ADAMTS17: variants seen among roughly 807,000 people sequenced by gnomAD.
ADAMTS17 encodes the protein A disintegrin and metalloproteinase with thrombospondin motifs 17.
In ADAMTS17, 113 loss-of-function variants were observed where a neutral mutation model predicts 141.5. That is an observed-to-expected ratio of 0.80 (90% confidence interval 0.69 to 0.93). ADAMTS17 has a LOEUF of 0.93. Ranked by LOEUF, ADAMTS17 falls within the 40% of genes least tolerant of loss-of-function variation. The probability of loss-of-function intolerance (pLI) is 0.00; values close to 1 mark genes in which losing one functional copy is unlikely to be tolerated. For synonymous variants in ADAMTS17, 768 were observed against 630.6 expected (o/e 1.22, Z -3.27); for missense variants, 1,659 against 1,517.9 (o/e 1.09, Z -1.54).
At chr15:100,198,728 C>A (rs1257731105) in intron 8 of ADAMTS17, among the ~76,000 whole-genome samples, 1 of 152,192 alleles carries the variant, frequency 6.6e-6, no homozygotes, top group African/African-American at 2.4e-5. Context: ...GCCAGCCACT[C>A]AACAACCCCT....
At chr15:100,090,325 G>A (rs1226713060) in intron 15 of ADAMTS17, among the ~76,000 whole-genome samples, 1 of 152,170 alleles carries the variant, frequency 6.6e-6, no homozygotes, top group African/African-American at 2.4e-5. Context: ...CGCTTGTGGG[G>A]GATGAGCTGT....
chr15:100,338,797 A>G (rs2046281073), intron 2 of ADAMTS17, among the ~76,000 whole-genome samples: 1 of 152,342 alleles, frequency 6.6e-6, no homozygotes, highest in South Asian at 2.1e-4. Context: ...CTTCTACCAC[A>G]GTACCACAGT....
intron 18 of ADAMTS17, among the ~76,000 whole-genome samples, chr15:99,999,234 T>C (rs994744258): frequency 1.3e-5 from 2 of 152,148 alleles, no homozygotes; most frequent in African/African-American, 4.8e-5. Context: ...AGACCATATA[T>C]AGCCACTGAA....
intron 18 of ADAMTS17, among the ~76,000 whole-genome samples, chr15:100,010,305 G>C (rs1251528273): frequency 6.6e-6 from 1 of 152,196 alleles, no homozygotes; most frequent in Non-Finnish European, 1.5e-5. Flanking sequence ...AGCAGTGGGC[G>C]TGTGTGTGAG....
intron 12 of ADAMTS17, 83 bp from the exon 13 acceptor site, chr15:100,117,096 GA>G (rs2037185206): frequency 6.7e-7 from 1 of 1,501,664 alleles, no homozygotes; most frequent in African/African-American, 1.4e-5. Context: ...TTGCCAGGGG[GA>G]GGAGAGGAAG....
chr15:100,297,524 A>G (rs1056748106), intron 3 of ADAMTS17, among the ~76,000 whole-genome samples: 19 of 152,294 alleles, frequency 1.2e-4, no homozygotes, highest in African/African-American at 4.3e-4. Context: ...ATGGAACAAT[A>G]CTGGGGCTAT....
At chr15:100,276,657 G>C (rs1004504205) in intron 4 of ADAMTS17, among the ~76,000 whole-genome samples, 3 of 152,192 alleles carry the variant, frequency 2.0e-5, no homozygotes, top group East Asian at 3.9e-4. Context: ...AGGAGACAGA[G>C]CCACTCCCAT....
intron 7 of ADAMTS17, among the ~76,000 whole-genome samples, chr15:100,203,944 G>A (rs1384397132): frequency 6.6e-6 from 1 of 151,846 alleles, no homozygotes; most frequent in Non-Finnish European, 1.5e-5. Flanking sequence ...GACACCTGGA[G>A]AAGCTCATTT....
chr15:100,018,536 C>T (rs956759706), intron 18 of ADAMTS17, among the ~76,000 whole-genome samples: 1 of 152,120 alleles, frequency 6.6e-6, no homozygotes, highest in African/African-American at 2.4e-5. Context: ...GAACCACCTC[C>T]CACTTCTCTC....
At chr15:100,017,263 G>A (rs940424022) in intron 18 of ADAMTS17, among the ~76,000 whole-genome samples, 1 of 152,226 alleles carries the variant, frequency 6.6e-6, no homozygotes, top group Non-Finnish European at 1.5e-5. Flanking sequence ...GGCAAGCTAG[G>A]CTTGAGAACT....
At chr15:100,171,109 A>G (rs541506219) in intron 8 of ADAMTS17, among the ~76,000 whole-genome samples, 1 of 152,116 alleles carries the variant, frequency 6.6e-6, no homozygotes, top group South Asian at 2.1e-4. Context: ...TATACCCTTC[A>G]AAGGCCAGTT....
At chr15:100,185,083 C>T (rs56665518) in intron 8 of ADAMTS17, among the ~76,000 whole-genome samples, 1 of 152,162 alleles carries the variant, frequency 6.6e-6, no homozygotes, top group African/African-American at 2.4e-5. Context: ...GAAAGCGCTA[C>T]AGTCTGTGGC....
Position 100,251,700 on chromosome 15 carries a change from T to C in ADAMTS17, c.1075+2436A>G, listed in dbSNP as rs1011178024. Among the ~76,000 whole-genome samples, 16 of 152,340 alleles carry C rather than the reference T, an allele frequency of 1.1e-4. No individual in the cohort carries two copies. In the South Asian group the frequency reaches 3.3e-3, roughly 32 times the overall value. ...TTGCAGTGAGCCCAGATCGTGCCAC[T>C]GCACTCCAGCCTGGGCGACAGAGCG... On this transcript the variant is annotated intron_variant, in intron 7 of 21. Coordinates refer to ENST00000268070, the MANE Select transcript of ADAMTS17 (RefSeq NM_139057.4).
chr15:100,314,934 C>A (rs1383243131), intron 3 of ADAMTS17, among the ~76,000 whole-genome samples: 1 of 152,176 alleles, frequency 6.6e-6, no homozygotes, highest in Non-Finnish European at 1.5e-5. Flanking sequence ...AGGAGCCGAC[C>A]GTCCCTGGAG....
At chr15:100,003,544 T>A (rs1204254730) in intron 18 of ADAMTS17, among the ~76,000 whole-genome samples, 1 of 152,106 alleles carries the variant, frequency 6.6e-6, no homozygotes, top group Non-Finnish European at 1.5e-5. Context: ...TGAATGGCTA[T>A]GTGGATAGAT....
intron 7 of ADAMTS17, among the ~76,000 whole-genome samples, chr15:100,246,353 A>C (rs2042986740): frequency 6.6e-6 from 1 of 152,208 alleles, no homozygotes; most frequent in Non-Finnish European, 1.5e-5. Context: ...GAACCTTGCC[A>C]AAAATTTCTT....
intron 15 of ADAMTS17, among the ~76,000 whole-genome samples, chr15:100,089,034 C>T (rs1280798586): frequency 6.6e-6 from 1 of 151,616 alleles, no homozygotes; most frequent in Non-Finnish European, 1.5e-5. Context: ...AAAGAAACTA[C>T]CATCAGAGTG....
intron 7 of ADAMTS17, among the ~76,000 whole-genome samples, chr15:100,234,405 A>G (rs1301880606): frequency 6.6e-6 from 1 of 152,220 alleles, no homozygotes; most frequent in Non-Finnish European, 1.5e-5. Context: ...AAGGAAGATG[A>G]AGGATACGGG....
In ADAMTS17 at chr15:99,993,361, G is replaced by C. The variant is rs539067232; in HGVS notation, c.2797-161C>G. The stretch of plus-strand genomic sequence containing the variant: ...AAGCTCCTGGTCTGCAGGGTCTTAC[G>C]CACGTGGTCCCAGCTGGGGCCCCAG... On this transcript the variant is annotated intron_variant, in intron 19 of 21. Coordinates refer to ENST00000268070, the MANE Select transcript of ADAMTS17 (RefSeq NM_139057.4). The surrounding 1 kb of genome is among the most constrained non-coding windows in gnomAD (Gnocchi z 4.3). Among the ~76,000 whole-genome samples the C allele has an allele frequency of 2.0e-5, 3 of 152,174 alleles. No homozygotes were observed. The highest frequency in any genetic ancestry group is 7.2e-5 in the African/African-American group (3 of 41,446).
Sources: allele counts gnomAD v4.1 joint callset (sites outside exome capture counted in the v4.1 genomes callset), GRCh38; gene constraint gnomAD v4.1.1; non-coding constraint Gnocchi (gnomAD v3.1); transcripts MANE v1.5; gene names NCBI Gene and HGNC (gene_info 2026-07-23, HGNC 2026-07-21).